Variants in TRMT9B observed in about 807,000 individuals in gnomAD.
The protein encoded by TRMT9B is probable tRNA methyltransferase 9B.
Under a neutral mutation model 11.5 loss-of-function variants are expected in TRMT9B, and 16 were observed. The ratio of observed to expected loss-of-function variants is 1.39; its 90% CI spans 0.94 to 2.11. The LOEUF is 2.11. Among genes scored for constraint, TRMT9B ranks in the 30% most tolerant of loss-of-function variants. The pLI is 0.00. For missense variants in TRMT9B, 941 were observed against 553.8 expected (o/e 1.70, Z -7.02); for synonymous variants, 274 against 192.4 (o/e 1.42, Z -3.51).
chr8:13,008,606 T>C (rs534330223), intron 3 of TRMT9B, among the ~76,000 whole-genome samples: 26 of 152,280 alleles, frequency 1.7e-4, no homozygotes, highest in African/African-American at 6.3e-4. Flanking sequence ...ACAGATAACT[T>C]TGACCCTATA....
intron 1 of TRMT9B, among the ~76,000 whole-genome samples, chr8:12,975,133 G>A (rs951917699): frequency 2.6e-5 from 4 of 151,862 alleles, no homozygotes; most frequent in African/African-American, 9.7e-5. Context: ...TAATTGTCCA[G>A]AACATAGGAT....
At position 13,025,820 on chromosome 8, in the gene TRMT9B, C is replaced by T. The variant is rs1237126214; in HGVS notation, c.*3776C>T. 1.2e-5 allele frequency: 2 copies of T among 166,900 alleles called. No homozygotes were observed. The highest frequency in any genetic ancestry group is 2.9e-5 in the Non-Finnish European group (2 of 68,112). 10.3% of individuals were successfully genotyped at this position (166,900 alleles called of 1,614,324 possible). On this transcript the variant is annotated 3_prime_UTR_variant, in exon 5 of 5. Transcript: ENST00000524591. ...CAGAATAGTGCTAATTCTTATTTCTCGTTTGCCTTTCTATTTCCTTCCAAA... is the reference window on the plus strand; with the variant it reads ...CAGAATAGTGCTAATTCTTATTTCTTGTTTGCCTTTCTATTTCCTTCCAAA...
At position 13,021,859 on chromosome 8, in the gene TRMT9B, T is replaced by C. The variant is rs1262996684; in HGVS notation, c.1180T>C (p.Ser394Pro). The C allele has an allele frequency of 6.8e-6, 11 of 1,613,794 alleles. No homozygotes were observed. The highest frequency in any genetic ancestry group is 9.3e-6 in the Non-Finnish European group (11 of 1,179,870). Residue 394 changes from serine to proline, a missense_variant, in exon 5 of 5, where the codon TCT (serine) becomes CCT (proline). By Grantham distance (74) the Ser-to-Pro change is moderately conservative (BLOSUM62 -1). Transcript: ENST00000524591. ...AGATTTCAACCCAGATGATACAATG[T>C]CTGTCGAAGATCCACAGACTGATGT... is the stretch of plus-strand genomic sequence containing the variant. Reference protein sequence around the residue: ...STDFNPDDTMSVEDPQTDVLD... With the variant: ...STDFNPDDTMPVEDPQTDVLD...
intron 2 of TRMT9B, among the ~76,000 whole-genome samples, chr8:12,991,867 G>T (rs959429248): frequency 8.5e-5 from 13 of 152,154 alleles, no homozygotes; most frequent in African/African-American, 2.9e-4. Context: ...GGAGGTGGAG[G>T]TTGCAGCAAG....
At chr8:12,988,284 C>T (rs1460896488) in intron 1 of TRMT9B, among the ~76,000 whole-genome samples, 1 of 152,170 alleles carries the variant, frequency 6.6e-6, no homozygotes, top group Non-Finnish European at 1.5e-5. Flanking sequence ...ACACCCACAT[C>T]ATAACATTCT....
intron 1 of TRMT9B, among the ~76,000 whole-genome samples, chr8:12,967,131 G>C (rs908473587): frequency 6.6e-6 from 1 of 152,106 alleles, no homozygotes; most frequent in Non-Finnish European, 1.5e-5. Context: ...GTCCAAACAA[G>C]ACATATCTTT....
chr8:12,985,087 C>G (rs1187190045), intron 1 of TRMT9B, among the ~76,000 whole-genome samples: 1 of 152,086 alleles, frequency 6.6e-6, no homozygotes, highest in African/African-American at 2.4e-5. Context: ...TTCATTTAGA[C>G]ACATACTCCT....
At chr8:12,970,187 A>G (rs1383193493) in intron 1 of TRMT9B, 1 of 152,226 alleles carries the variant, frequency 6.6e-6, no homozygotes, top group African/African-American at 2.4e-5. Flanking sequence ...GAACAAAAAT[A>G]TTTGAAACAA....
chr8:13,015,107 A>G (rs1381944793), intron 4 of TRMT9B, among the ~76,000 whole-genome samples: 1 of 150,144 alleles, frequency 6.7e-6, no homozygotes, highest in East Asian at 2.0e-4. Context: ...ATAAAATAAA[A>G]AGTCAAAGAA....
intron 1 of TRMT9B, chr8:12,952,186 C>A (rs987162443): frequency 2.2e-6 from 1 of 455,062 alleles, no homozygotes; most frequent in Non-Finnish European, 4.4e-6. Flanking sequence ...GTCGCCACAC[C>A]GTGCGGAAAG....
intron 3 of TRMT9B, chr8:13,011,026 C>G: frequency 2.7e-6 from 2 of 739,040 alleles, no homozygotes; most frequent in Non-Finnish European, 3.3e-6. Context: ...CTGTCATCAC[C>G]TAGGCTGGAG....
Position 12,981,527 on chromosome 8 carries a change from C to G in TRMT9B, c.-199-9307C>G, listed in dbSNP as rs144638394. Among the ~76,000 whole-genome samples, 482 of 152,274 alleles carry G rather than the reference C, an allele frequency of 3.2e-3. 4 individuals are homozygous for G. The highest frequency in any genetic ancestry group is 0.01 in the African/African-American group (418 of 41,560). Reference sequence around the variant, plus strand: ...TGGAGATTGGAGACCATTATATTATCTGTTTCCCCAAACTCAGTTCTTTAT... The same window carrying G: ...TGGAGATTGGAGACCATTATATTATGTGTTTCCCCAAACTCAGTTCTTTAT... On this transcript the variant is annotated intron_variant, in intron 1 of 4. Transcript: ENST00000524591.
At chr8:13,015,865 TG>T (rs1812553996) in intron 4 of TRMT9B, among the ~76,000 whole-genome samples, 1 of 152,066 alleles carries the variant, frequency 6.6e-6, no homozygotes, top group Non-Finnish European at 1.5e-5. Context: ...AATGCTTCCT[TG>T]AGTGGAAAAC....
chr8:13,017,236 T>C (rs1189748957), intron 4 of TRMT9B, among the ~76,000 whole-genome samples: 1 of 152,164 alleles, frequency 6.6e-6, no homozygotes, highest in Non-Finnish European at 1.5e-5. Context: ...AGGCGAGGCA[T>C]GTACACTTGA....
At position 13,021,125 on chromosome 8, in the gene TRMT9B, G is replaced by T. The variant is rs779088518; in HGVS notation, c.446G>T (p.Arg149Leu). ...IYVWAMEQKN[R>L]HFEKQDVLVP... is the part of the protein sequence containing the mutation. ...GTTTGGGCAATGGAACAAAAGAACC[G>T]TCACTTTGAGAAGCAAGACGTGCTT... Residue 149 changes from arginine to leucine, a missense_variant, in exon 5 of 5, where the codon CGT becomes CTT. By Grantham distance (102) the Arg-to-Leu change is moderately radical (BLOSUM62 -2). Transcript: ENST00000524591. 2 of 1,613,246 alleles carry T rather than the reference G, an allele frequency of 1.2e-6. No individual in the cohort carries two copies. Among genetic ancestry groups the T allele is most frequent in the South Asian group, 2.2e-5 (2 of 91,002 alleles).
intron 1 of TRMT9B, chr8:12,952,363 G>C: frequency 3.2e-6 from 1 of 315,678 alleles, no homozygotes; most frequent in Non-Finnish European, 6.5e-6. Context: ...GCCTGGGTGA[G>C]TTCCTGCTCG....
intron 3 of TRMT9B, among the ~76,000 whole-genome samples, chr8:13,010,029 T>C (rs1811297751): frequency 6.6e-6 from 1 of 151,882 alleles, no homozygotes; most frequent in Non-Finnish European, 1.5e-5. Flanking sequence ...TCTCAGCTAC[T>C]TGGGAGGCTG....
At chr8:12,994,424 C>G (rs766671904) in intron 2 of TRMT9B, among the ~76,000 whole-genome samples, 5 of 152,228 alleles carry the variant, frequency 3.3e-5, no homozygotes, top group Non-Finnish European at 5.9e-5. Context: ...CTGCATGCCT[C>G]TAGCTGCATG....
At chr8:13,006,597 A>G in intron 3 of TRMT9B, 2 of 1,403,178 alleles carry the variant, frequency 1.4e-6, no homozygotes, top group Non-Finnish European at 1.8e-6. Flanking sequence ...CAGTACCTAG[A>G]ATATTCATTT....
Sources: allele counts gnomAD v4.1 joint callset (sites outside exome capture counted in the v4.1 genomes callset), GRCh38; gene constraint gnomAD v4.1.1; transcripts MANE v1.5; gene names NCBI Gene and HGNC (gene_info 2026-07-23, HGNC 2026-07-21).